Variants in ZDHHC14 observed in about 807,000 individuals in gnomAD.
ZDHHC14 encodes palmitoyltransferase ZDHHC14.
A neutral mutation model predicts 47.7 loss-of-function variants in ZDHHC14; 16 were observed. The observed-to-expected ratio is 0.34, with a 90% CI of 0.23 to 0.51. ZDHHC14 has a LOEUF of 0.51. ZDHHC14 is among the 20% of genes least tolerant of loss of function. ZDHHC14 has a pLI of 0.97. For missense variants in ZDHHC14, 515 were observed against 662.5 expected, an observed-to-expected ratio of 0.78 and a Z score of 2.44; for synonymous variants, 293 against 278.9, an observed-to-expected ratio of 1.05 and a Z score of -0.50.
chr6:157,433,056 G>T (rs191674406), intron 1 of ZDHHC14, among the ~76,000 whole-genome samples: 3 of 152,252 alleles, frequency 2.0e-5, no homozygotes, highest in Non-Finnish European at 2.9e-5. Flanking sequence ...GCCCAAGAGC[G>T]GTGTGCCTGT....
At chr6:157,489,431 AGTT>A (rs1779858971) in intron 1 of ZDHHC14, among the ~76,000 whole-genome samples, 1 of 143,986 alleles carries the variant, frequency 6.9e-6, no homozygotes, top group Non-Finnish European at 1.6e-5. Flanking sequence ...TTATTCTTTC[AGTT>A]GTTTTTTTTT....
At chr6:157,417,502 G>A (rs1778007153) in intron 1 of ZDHHC14, among the ~76,000 whole-genome samples, 1 of 152,170 alleles carries the variant, frequency 6.6e-6, no homozygotes, top group Non-Finnish European at 1.5e-5. Flanking sequence ...ACTCAGCCAG[G>A]ATGGACTTTT....
intron 1 of ZDHHC14, among the ~76,000 whole-genome samples, chr6:157,424,732 C>A (rs182936045): frequency 6.6e-6 from 1 of 152,118 alleles, no homozygotes; most frequent in Non-Finnish European, 1.5e-5. Context: ...ATGAACAAAC[C>A]GGGAGTCCTG....
At chr6:157,456,645 A>C (rs1778924832) in intron 1 of ZDHHC14, among the ~76,000 whole-genome samples, 1 of 152,226 alleles carries the variant, frequency 6.6e-6, no homozygotes, top group African/African-American at 2.4e-5. Context: ...AGAGAGAGGA[A>C]GTGAGCCTTA....
chr6:157,587,346 G>A (rs143073383), intron 2 of ZDHHC14, among the ~76,000 whole-genome samples: 7 of 152,306 alleles, frequency 4.6e-5, no homozygotes, highest in African/African-American at 1.4e-4. Flanking sequence ...GCACACAGCC[G>A]TGCCATCTCT....
At chr6:157,561,200 T>C (rs867298128) in intron 2 of ZDHHC14, among the ~76,000 whole-genome samples, 2 of 151,924 alleles carry the variant, frequency 1.3e-5, no homozygotes, top group African/African-American at 4.8e-5. Flanking sequence ...CTCTGCTTCA[T>C]TGAAAACAAT....
chr6:157,462,662 A>G (rs1343933443), intron 1 of ZDHHC14, among the ~76,000 whole-genome samples: 16 of 152,228 alleles, frequency 1.1e-4, no homozygotes, highest in Admixed American at 1.0e-3. Context: ...AACTCTTAGA[A>G]ACAAAAATTA....
chr6:157,618,640 T>C (rs1275492509), intron 3 of ZDHHC14, among the ~76,000 whole-genome samples: 1 of 152,138 alleles, frequency 6.6e-6, no homozygotes. Context: ...GATTTTACCA[T>C]GGTGACGCAG....
intron 2 of ZDHHC14, among the ~76,000 whole-genome samples, chr6:157,549,353 C>T (rs1175213198): frequency 6.6e-6 from 1 of 152,208 alleles, no homozygotes; most frequent in Non-Finnish European, 1.5e-5. Context: ...ATCTAACTCC[C>T]CTCTTGGAGC....
intron 1 of ZDHHC14, among the ~76,000 whole-genome samples, chr6:157,409,161 C>G (rs1777823918): frequency 6.6e-6 from 1 of 152,236 alleles, no homozygotes; most frequent in Admixed American, 6.5e-5. Context: ...ATGTGCCTCT[C>G]AAAATCTTCT....
chr6:157,517,491 G>C lies in ZDHHC14; in HGVS notation c.246-25094G>C, dbSNP rs1780738926. Among the ~76,000 whole-genome samples, 3 of 152,092 alleles carry C rather than the reference G, an allele frequency of 2.0e-5. No individual in the cohort carries two copies. In the South Asian group the frequency reaches 6.2e-4, roughly 32 times the overall value. On this transcript the variant is annotated intron_variant, in intron 1 of 8. Transcript: ENST00000359775. The stretch of plus-strand genomic sequence containing the variant: ...CACCTGGCTTAATTTTGTATTTTTA[G>C]TAGAGATGGGGTTTTAATCATCTTG...
At chr6:157,639,069 G>T (rs1777120011) in intron 5 of ZDHHC14, among the ~76,000 whole-genome samples, 2 of 152,246 alleles carry the variant, frequency 1.3e-5, no homozygotes. Flanking sequence ...AAGGAGGCAG[G>T]GCTCCCCATC....
chr6:157,510,948 T>TA (rs1478503120), intron 1 of ZDHHC14, among the ~76,000 whole-genome samples: 1 of 152,262 alleles, frequency 6.6e-6, no homozygotes, highest in African/African-American at 2.4e-5. Context: ...TTACAGCATT[T>TA]AAAAATGTAT....
chr6:157,495,637 A>G (rs186953029), intron 1 of ZDHHC14, among the ~76,000 whole-genome samples: 1 of 151,766 alleles, frequency 6.6e-6, no homozygotes, highest in African/African-American at 2.4e-5. Flanking sequence ...TCATAAAGGC[A>G]GAGCAGGAGG....
intron 2 of ZDHHC14, among the ~76,000 whole-genome samples, chr6:157,573,641 T>C (rs566423035): frequency 6.6e-6 from 1 of 152,294 alleles, no homozygotes; most frequent in East Asian, 1.9e-4. Context: ...CCAGCTTTGG[T>C]CTCTCACAGT....
chr6:157,516,305 C>T (rs933281569), intron 1 of ZDHHC14, among the ~76,000 whole-genome samples: 1 of 152,112 alleles, frequency 6.6e-6, no homozygotes, highest in African/African-American at 2.4e-5. Flanking sequence ...TGTGAACATC[C>T]GTATATAGCA....
At chr6:157,458,840 T>C (rs1778989872) in intron 1 of ZDHHC14, among the ~76,000 whole-genome samples, 1 of 145,162 alleles carries the variant, frequency 6.9e-6, no homozygotes, top group African/African-American at 2.5e-5. Flanking sequence ...TACTAGCAAA[T>C]GTGGGTGGAT....
chr6:157,441,056 A>G (rs1583646963), intron 1 of ZDHHC14, among the ~76,000 whole-genome samples: 1 of 152,216 alleles, frequency 6.6e-6, no homozygotes, highest in Non-Finnish European at 1.5e-5. Context: ...AGGAAATCTA[A>G]GTTTCCAAGA....
chr6:157,592,817 G>T lies in ZDHHC14; in HGVS notation c.407-171G>T, dbSNP rs562425752. 32 of 1,426,616 alleles carry T rather than the reference G, an allele frequency of 2.2e-5. No individual in the cohort carries two copies. The African/African-American group carries it at 4.5e-4, about 20-fold the overall frequency. 88.4% of individuals were successfully genotyped at this position (1,426,616 alleles called of 1,614,324 possible). A position where few individuals can be genotyped will look rare whatever the true frequency, so the allele number is the denominator to read the frequency against. On this transcript the variant is annotated intron_variant, in intron 2 of 8. Coordinates refer to ENST00000359775, the MANE Select transcript of ZDHHC14 (RefSeq NM_024630.3). ...CACGTGTGCAACGAAGGAGGCCGGG[G>T]TCCCAGCGGAGGGTGAGTCCCAGAG...
Sources: gnomAD v4.1 joint callset for allele counts (sites outside exome capture counted in the v4.1 genomes callset) on GRCh38, gnomAD v4.1.1 for gene constraint, MANE v1.5 for transcripts, NCBI Gene and HGNC (gene_info 2026-07-23, HGNC 2026-07-21) for gene names.